Variants in VDAC1 observed in about 807,000 individuals in gnomAD.
The protein encoded by VDAC1 is voltage dependent anion channel 1, also known as non-selective voltage-gated ion channel VDAC1.
VDAC1 carries 10 observed loss-of-function variants against 34.7 expected under a neutral mutation model. That is an observed-to-expected ratio of 0.29 (90% CI 0.18 to 0.49). The LOEUF (loss-of-function observed/expected upper bound fraction) is 0.49. Among genes scored for constraint, VDAC1 ranks in the 20% least tolerant of loss-of-function variants. VDAC1 has a pLI of 0.99. For synonymous variants in VDAC1, 130 were observed against 136.0 expected (o/e 0.96, Z 0.30); for missense variants, 230 against 347.9 (o/e 0.66, Z 2.69).
At position 133,981,289 on chromosome 5, in the gene VDAC1, A is replaced by G. The variant is rs567177942; in HGVS notation, c.324-333T>C. On this transcript the variant is annotated intron_variant, in intron 5 of 8. Transcript: ENST00000265333. ...GGCATTCATTAGGTAGAAAGCCACC[A>G]TGTAATTATGAAACAGATGCATCTT... 6.6e-5 allele frequency among the ~76,000 whole-genome samples: 10 copies of G among 152,328 alleles called. No individual in the cohort carries two copies. The South Asian group carries it at 2.1e-3, about 32-fold the overall frequency.
At chr5:134,095,518 A>AATCAATC in the VDAC1 span, among the ~76,000 whole-genome samples, 372 of 150,550 alleles carry the variant, frequency 2.5e-3, no homozygotes, top group African/African-American at 8.8e-3. Flanking sequence ...ATAAATAAAT[A>AATCAATC]AATAAATCCA....
chr5:134,012,697 A>T, the VDAC1 span, among the ~76,000 whole-genome samples: 3 of 152,168 alleles, frequency 2.0e-5, no homozygotes, highest in Admixed American at 1.3e-4. Flanking sequence ...TCCTGTTCCT[A>T]TCAAACTAAC....
chr5:134,083,274 C>T, the VDAC1 span, among the ~76,000 whole-genome samples: 3 of 150,704 alleles, frequency 2.0e-5, no homozygotes, highest in East Asian at 1.9e-4. Flanking sequence ...CTGCAACTTC[C>T]GCCTCCTGGG....
intron 1 of VDAC1, among the ~76,000 whole-genome samples, chr5:133,995,113 C>G (rs971027286): frequency 5.9e-5 from 9 of 152,174 alleles, no homozygotes; most frequent in Non-Finnish European, 1.2e-4. Context: ...AACACCCCAC[C>G]CACAGCAAAC....
chr5:133,983,025 G>A (rs1166362587), intron 5 of VDAC1, among the ~76,000 whole-genome samples: 4 of 151,972 alleles, frequency 2.6e-5, no homozygotes, highest in East Asian at 1.9e-4. Context: ...TGGGGCAGGC[G>A]GATCACCTGA....
intron 5 of VDAC1, among the ~76,000 whole-genome samples, chr5:133,981,480 A>G (rs905596935): frequency 6.6e-6 from 1 of 152,204 alleles, no homozygotes; most frequent in Non-Finnish European, 1.5e-5. Context: ...AATGGATTTC[A>G]ATTCCATATT....
chr5:134,014,245 G>A, the VDAC1 span, among the ~76,000 whole-genome samples: 6 of 152,044 alleles, frequency 3.9e-5, no homozygotes, highest in Non-Finnish European at 7.4e-5. Context: ...AGTCGAGATC[G>A]TGCCACCACA....
intron 6 of VDAC1, chr5:133,976,296 A>G (rs754331556): frequency 9.5e-6 from 3 of 314,146 alleles, no homozygotes; most frequent in South Asian, 8.5e-5. Context: ...ACTTGAGGTC[A>G]GGGGTTTGAG....
chr5:134,087,648 A>C, the VDAC1 span, among the ~76,000 whole-genome samples: 1 of 151,988 alleles, frequency 6.6e-6, no homozygotes, highest in East Asian at 1.9e-4. Flanking sequence ...TGAGGTCAGG[A>C]GTTCAAGACC....
At chr5:134,074,323 A>C in the VDAC1 span, among the ~76,000 whole-genome samples, 1 of 150,236 alleles carries the variant, frequency 6.7e-6, no homozygotes, top group East Asian at 1.9e-4. Context: ...TAAATAAATA[A>C]ATAAATAAAT....
chr5:134,034,718 T>C, the VDAC1 span, among the ~76,000 whole-genome samples: 1 of 152,044 alleles, frequency 6.6e-6, no homozygotes, highest in African/African-American at 2.4e-5. Context: ...AGGTGCATGC[T>C]GGGACCGAGC....
chr5:134,070,013 C>T, the VDAC1 span, among the ~76,000 whole-genome samples: 31 of 152,108 alleles, frequency 2.0e-4, no homozygotes, highest in South Asian at 5.6e-3. Flanking sequence ...TTACCCTATA[C>T]GGTCTAAAAA....
chr5:133,975,774 A>G (rs1417578988), intron 7 of VDAC1, 97 bp downstream of exon 7: 7 of 1,543,500 alleles, frequency 4.5e-6, no homozygotes, highest in Non-Finnish European at 6.1e-6. Flanking sequence ...TCTCACTTTG[A>G]GTAAGCTGAA....
chr5:134,066,438 T>C, the VDAC1 span, among the ~76,000 whole-genome samples: 2 of 152,274 alleles, frequency 1.3e-5, no homozygotes, highest in Admixed American at 1.3e-4. Flanking sequence ...TGTTTTATTC[T>C]AGCCTGAAAA....
At chr5:134,020,072 T>C in the VDAC1 span, among the ~76,000 whole-genome samples, 12 of 151,966 alleles carry the variant, frequency 7.9e-5, no homozygotes, top group African/African-American at 2.9e-4. Context: ...CTTTCCTGCT[T>C]GAAGAGAGAC....
the VDAC1 span, among the ~76,000 whole-genome samples, chr5:134,045,052 T>C: frequency 6.6e-6 from 1 of 152,202 alleles, no homozygotes; most frequent in Non-Finnish European, 1.5e-5. Flanking sequence ...GTCGGCCCTG[T>C]GAAGTTCCAT....
chr5:133,972,984 C>A, intron 8 of VDAC1, 122 bp from the exon 9 acceptor site: 1 of 729,668 alleles, frequency 1.4e-6, no homozygotes, highest in Non-Finnish European at 2.3e-6. Context: ...AACTACATGG[C>A]CCTTCAATCC....
the VDAC1 span, among the ~76,000 whole-genome samples, chr5:134,021,356 G>A: frequency 2.0e-4 from 27 of 135,408 alleles, no homozygotes; most frequent in Middle Eastern, 3.9e-3. Context: ...CCCTCCGAAA[G>A]GCCCTGGTGT....
the VDAC1 span, among the ~76,000 whole-genome samples, chr5:134,048,464 G>A: frequency 4.6e-5 from 7 of 151,358 alleles, no homozygotes; most frequent in East Asian, 1.2e-3. Context: ...ATAGGGTTTC[G>A]CCATGTTGCC....
Sources: gnomAD v4.1 joint callset for allele counts (sites outside exome capture counted in the v4.1 genomes callset) on GRCh38, gnomAD v4.1.1 for gene constraint, MANE v1.5 for transcripts, NCBI Gene and HGNC (gene_info 2026-07-23, HGNC 2026-07-21) for gene names.